Variants in MGAT4C observed in about 807,000 individuals in gnomAD.
MGAT4C encodes alpha-1,3-mannosyl-glycoprotein 4-beta-N-acetylglucosaminyltransferase C.
Under a neutral mutation model 40.1 loss-of-function variants are expected in MGAT4C, and 19 were observed. The ratio of observed to expected loss-of-function variants is 0.47; its 90% CI spans 0.33 to 0.70. The LOEUF (loss-of-function observed/expected upper bound fraction) is 0.70. MGAT4C is among the 30% of genes least tolerant of loss of function. MGAT4C has a pLI of 0.02. For missense variants in MGAT4C, 491 were observed against 563.2 expected, an observed-to-expected ratio of 0.87 and a Z score of 1.30; for synonymous variants, 181 against 187.1, an observed-to-expected ratio of 0.97 and a Z score of 0.27.
At chr12:86,000,617 A>G (rs1404040817) in intron 2 of MGAT4C, among the ~76,000 whole-genome samples, 2 of 152,170 alleles carry the variant, frequency 1.3e-5, no homozygotes, top group Admixed American at 6.5e-5. Flanking sequence ...CCTCTACACA[A>G]GCTACTCCAG....
chr12:86,628,777 A>G (rs1249723814), intron 2 of MGAT4C, among the ~76,000 whole-genome samples: 1 of 152,206 alleles, frequency 6.6e-6, no homozygotes, highest in East Asian at 1.9e-4. Flanking sequence ...AACCAGTGCA[A>G]GCCACTGCAA....
At chr12:86,245,081 C>T (rs1262719249) in intron 1 of MGAT4C, among the ~76,000 whole-genome samples, 1 of 152,094 alleles carries the variant, frequency 6.6e-6, no homozygotes, top group Non-Finnish European at 1.5e-5. Context: ...CCAACTGACT[C>T]CTAAGCCCAC....
At chr12:86,038,574 T>C (rs1050111274) in intron 2 of MGAT4C, among the ~76,000 whole-genome samples, 1 of 149,740 alleles carries the variant, frequency 6.7e-6, no homozygotes, top group African/African-American at 2.4e-5. Context: ...ATTTTTTTGC[T>C]TTCCATTTGC....
At chr12:86,162,724 TATC>T (rs2135804527) in intron 1 of MGAT4C, among the ~76,000 whole-genome samples, 1 of 152,320 alleles carries the variant, frequency 6.6e-6, no homozygotes, top group South Asian at 2.1e-4. Context: ...ACAGCAAATA[TATC>T]ATTAGCAAAT....
chr12:86,040,947 C>T (rs564853179), intron 2 of MGAT4C, among the ~76,000 whole-genome samples: 4 of 152,220 alleles, frequency 2.6e-5, no homozygotes, highest in Admixed American at 2.0e-4. Context: ...TTCCCCGAGC[C>T]CTTGTGCTTC....
At chr12:86,248,551 T>G (rs1346079401) in intron 1 of MGAT4C, among the ~76,000 whole-genome samples, 4 of 152,150 alleles carry the variant, frequency 2.6e-5, no homozygotes, top group African/African-American at 9.7e-5. Context: ...CTCTGAGAGT[T>G]AATATTAAAG....
chr12:86,096,972 A>G (rs941132846), intron 1 of MGAT4C, among the ~76,000 whole-genome samples: 1 of 151,322 alleles, frequency 6.6e-6, no homozygotes, highest in Non-Finnish European at 1.5e-5. Context: ...TACTTTTCCA[A>G]TTTATATACT....
chr12:86,530,918 C>T (rs1237862489), intron 2 of MGAT4C, among the ~76,000 whole-genome samples: 1 of 151,986 alleles, frequency 6.6e-6, no homozygotes, highest in African/African-American at 2.4e-5. Flanking sequence ...ATATATCTTA[C>T]ATAGATAGAA....
intron 2 of MGAT4C, among the ~76,000 whole-genome samples, chr12:86,506,557 A>G (rs894428063): frequency 6.6e-6 from 1 of 152,166 alleles, no homozygotes; most frequent in Admixed American, 6.6e-5. Context: ...AATCCCTTAC[A>G]CTGTTATTCA....
In MGAT4C at chr12:86,562,082, T is replaced by A. The variant is rs1959891551; in HGVS notation, c.-228-126817A>T. 2.0e-5 allele frequency among the ~76,000 whole-genome samples: 3 copies of A among 152,152 alleles called. No homozygotes were observed. In the South Asian group the frequency reaches 6.2e-4, roughly 32 times the overall value. The stretch of plus-strand genomic sequence containing the variant: ...ACCACATGTGGAGAACCAACGAATA[T>A]AATGACATTGGTTGGCTGCTCTAAG... On this transcript the variant is annotated intron_variant, in intron 2 of 7. Coordinates refer to the MGAT4C transcript ENST00000548651.
At chr12:86,011,674 C>T (rs1888474070) in intron 2 of MGAT4C, 1 of 216,650 alleles carries the variant, frequency 4.6e-6, no homozygotes, top group Non-Finnish European at 7.9e-6. Context: ...ATTTTAAATC[C>T]ATAGACACTG....
intron 1 of MGAT4C, among the ~76,000 whole-genome samples, chr12:86,075,787 C>T (rs1023583601): frequency 2.6e-5 from 4 of 152,196 alleles, no homozygotes; most frequent in South Asian, 4.1e-4. Context: ...TCTGTGTTGC[C>T]CCCTTTCAGC....
chr12:86,536,012 A>T, intron 2 of MGAT4C, among the ~76,000 whole-genome samples: 1 of 152,246 alleles, frequency 6.6e-6, no homozygotes, highest in Non-Finnish European at 1.5e-5. Flanking sequence ...TTTGTATACA[A>T]CTATAATGAA....
At chr12:86,347,996 C>T (rs1247655054) in intron 3 of MGAT4C, among the ~76,000 whole-genome samples, 1 of 152,034 alleles carries the variant, frequency 6.6e-6, no homozygotes, top group Admixed American at 6.6e-5. Flanking sequence ...ATAAACATTT[C>T]CATTATTTGA....
intron 1 of MGAT4C, among the ~76,000 whole-genome samples, chr12:86,765,210 G>A (rs1299399800): frequency 6.6e-6 from 1 of 152,188 alleles, no homozygotes; most frequent in African/African-American, 2.4e-5. Flanking sequence ...CGAGAACTAC[G>A]TGAAGAATGC....
chr12:86,498,320 G>A (rs1191692023), intron 2 of MGAT4C, among the ~76,000 whole-genome samples: 1 of 151,356 alleles, frequency 6.6e-6, no homozygotes, highest in Non-Finnish European at 1.5e-5. Context: ...TCACTTATAT[G>A]TATATTTTTT....
intron 2 of MGAT4C, among the ~76,000 whole-genome samples, chr12:86,012,989 C>T (rs866676644): frequency 9.9e-5 from 15 of 151,636 alleles, no homozygotes; most frequent in South Asian, 8.3e-4. Flanking sequence ...AAATTAGCCA[C>T]GGTGGCACAT....
At chr12:86,165,328 C>T (rs1309274221) in intron 1 of MGAT4C, among the ~76,000 whole-genome samples, 1 of 152,054 alleles carries the variant, frequency 6.6e-6, no homozygotes, top group East Asian at 1.9e-4. Flanking sequence ...TCCACACACA[C>T]ATAAATTATG....
intron 1 of MGAT4C, among the ~76,000 whole-genome samples, chr12:86,127,073 A>C (rs1211940429): frequency 6.6e-6 from 1 of 152,172 alleles, no homozygotes; most frequent in Non-Finnish European, 1.5e-5. Context: ...TGGAGCAGTA[A>C]TGCTTACTAG....
Sources: allele counts gnomAD v4.1 joint callset (sites outside exome capture counted in the v4.1 genomes callset), GRCh38; gene constraint gnomAD v4.1.1; transcripts MANE v1.5; gene names NCBI Gene and HGNC (gene_info 2026-07-23, HGNC 2026-07-21).